HORMAD1: variants seen among roughly 807,000 people sequenced by gnomAD.
HORMAD1 encodes HORMA domain containing 1.
A neutral mutation model predicts 58.2 loss-of-function variants in HORMAD1; 33 were observed. The ratio of observed to expected loss-of-function variants is 0.57; its 90% confidence interval spans 0.43 to 0.76. The LOEUF (loss-of-function observed/expected upper bound fraction) is 0.76, where lower values mean the gene tolerates loss of function less well. Ranked by LOEUF, HORMAD1 falls within the 30% of genes least tolerant of loss-of-function variation. The pLI is 0.00. For missense variants in HORMAD1, 363 were observed against 462.0 expected, an observed-to-expected ratio of 0.79 and a Z score of 1.96; for synonymous variants, 137 against 144.6, an observed-to-expected ratio of 0.95 and a Z score of 0.38.
chr1:150,699,924 C>T (rs762949296), intron 14 of HORMAD1, among the ~76,000 whole-genome samples, 188 bp downstream of exon 14: 1 of 151,992 alleles, frequency 6.6e-6, no homozygotes, highest in Non-Finnish European at 1.5e-5. Flanking sequence ...AACTAATAAA[C>T]CAACATAGGG....
rs587690956 is a variant in HORMAD1, at chr1:150,704,060, G to A, written c.948+58C>T. 4.5e-5 allele frequency: 48 copies of A among 1,063,724 alleles called. No homozygotes were observed. The East Asian group carries it at 1.1e-3, about 23-fold the overall frequency. The allele number at this position is 1,063,724 out of a possible 1,614,324, so 65.9% of individuals were successfully genotyped here. On this transcript the variant is annotated intron_variant, in intron 12 of 14. Coordinates refer to ENST00000361824, the MANE Select transcript of HORMAD1 (RefSeq NM_032132.5). Reference sequence around the variant, plus strand: ...AAAATCTGAAAAATAAAAAATTAGCGCATAAGCAACTGTCCTGTGAACAAA... The same window carrying A: ...AAAATCTGAAAAATAAAAAATTAGCACATAAGCAACTGTCCTGTGAACAAA...
chr1:150,717,343 G>T, intron 2 of HORMAD1, 61 bp from the exon 3 acceptor site: 1 of 1,100,314 alleles, frequency 9.1e-7, no homozygotes, highest in Non-Finnish European at 1.3e-6. Flanking sequence ...AGTTTCTCTT[G>T]ACTTAACATA....
rs45439605 is a variant in HORMAD1, at chr1:150,704,300, T to C, written c.848A>G (p.Asn283Ser). ...ACCTTCAAGTTCAGAAGATGCAGGGTTTTTTTCCTGTTCTTCCATTTTAGT... is the reference window on the plus strand; with the variant it reads ...ACCTTCAAGTTCAGAAGATGCAGGGCTTTTTTCCTGTTCTTCCATTTTAGT... ...IETKMEEQEK[N>S]PASSELEEPS... The change falls in exon 11 of 15, where the codon AAC becomes AGC. Residue 283 changes from asparagine (N) to serine (S), a missense_variant. By Grantham distance (46) the Asn-to-Ser change is conservative (BLOSUM62 1). This residue lies in a region of HORMAD1 where 226 missense variants were observed against 257.8 expected (regional missense o/e 0.88). Coordinates refer to ENST00000361824, the MANE Select transcript of HORMAD1 (RefSeq NM_032132.5). 6.3e-7 allele frequency: 1 copy of C among 1,591,990 alleles called. No individual in the cohort carries two copies. The highest frequency in any genetic ancestry group is 8.5e-7 in the Non-Finnish European group (1 of 1,170,562).
At chr1:150,714,245 T>C in intron 4 of HORMAD1, 124 bp from the exon 5 acceptor site, 1 of 582,618 alleles carries the variant, frequency 1.7e-6, no homozygotes. Context: ...AGCTCCCTTC[T>C]TATTAACTAG....
intron 5 of HORMAD1, among the ~76,000 whole-genome samples, 193 bp from the exon 6 acceptor site, chr1:150,712,046 A>G (rs1651920370): frequency 6.6e-6 from 1 of 152,186 alleles, no homozygotes; most frequent in Non-Finnish European, 1.5e-5. Context: ...TGAAATATCT[A>G]TTGCTACTAA....
chr1:150,714,647 TTTA>T lies in HORMAD1; in HGVS notation c.207_209del (p.Asp69_Lys70delinsGlu). 6.9e-7 allele frequency: 1 copy of T among 1,456,860 alleles called. No individual in the cohort carries two copies. Among genetic ancestry groups the T allele is most frequent in the Non-Finnish European group, 9.2e-7 (1 of 1,083,398 alleles). The allele number at this position is 1,456,860 out of a possible 1,614,324, so 90.2% of individuals were successfully genotyped here. A position where few individuals can be genotyped will look rare whatever the true frequency, so the allele number is the denominator to read the frequency against. On this transcript the variant is annotated inframe_deletion, in exon 4 of 15. Transcript: ENST00000361824. ...CTAACTGTGTAGATCCTGGGCAATT[TTTA>T]TCTTCTCTCAGTATTTTGACACAAA...
At chr1:150,711,768 A>AT in intron 6 of HORMAD1, 65 bp downstream of exon 6, 1 of 1,139,476 alleles carries the variant, frequency 8.8e-7, no homozygotes, top group Non-Finnish European at 1.3e-6. Flanking sequence ...TTTTAGTGTC[A>AT]TTTAATTAAG....
chr1:150,703,623 C>T (rs1177515915), intron 12 of HORMAD1, among the ~76,000 whole-genome samples: 2 of 152,118 alleles, frequency 1.3e-5, no homozygotes, highest in Non-Finnish European at 2.9e-5. Context: ...CAAATGATCA[C>T]CAGGCACCAC....
chr1:150,703,528 G>A (rs1341921817), intron 12 of HORMAD1, 135 bp from the exon 13 acceptor site: 2 of 535,440 alleles, frequency 3.7e-6, no homozygotes, highest in African/African-American at 3.9e-5. Flanking sequence ...TTTTGAGTTG[G>A]TTCATACTGT....
At chr1:150,708,996 A>T (rs1651778509) in intron 7 of HORMAD1, 35 bp from the exon 8 acceptor site, 1 of 975,702 alleles carries the variant, frequency 1.0e-6, no homozygotes, top group African/African-American at 1.6e-5. Flanking sequence ...TGCTTCTGAT[A>T]TTCAGTACTA....
chr1:150,710,390 A>C (rs1208378293), intron 7 of HORMAD1, among the ~76,000 whole-genome samples: 1 of 152,230 alleles, frequency 6.6e-6, no homozygotes, highest in Admixed American at 6.5e-5. Context: ...AAGACAGTAC[A>C]TATCTCATTG....
rs149176709 is a variant in HORMAD1 at position 150,703,413 on chromosome 1, CA to C, written c.949-21del. On this transcript the variant is annotated intron_variant, in intron 12 of 14. Transcript: ENST00000361824. ...CTCAACCTAAAAAAGAAAATAATTA[CA>C]AAAAATATAACTTAGTATAATAAAA... 3,117 of 1,323,226 alleles carry C rather than the reference CA, an allele frequency of 2.4e-3. 64 individuals carry two copies. In the African/African-American group the frequency reaches 0.039, roughly 16 times the overall value. The allele number at this position is 1,323,226 out of a possible 1,614,324, so 82.0% of individuals were successfully genotyped here.
chr1:150,717,098 A>G (rs775579872), intron 3 of HORMAD1, 40 bp downstream of exon 3: 6 of 1,311,750 alleles, frequency 4.6e-6, no homozygotes, highest in Non-Finnish European at 6.2e-6. Flanking sequence ...AAATAAAAAT[A>G]CCATTTTAAA....
At chr1:150,720,136 G>A (rs1383680559) in intron 1 of HORMAD1, among the ~76,000 whole-genome samples, 20 of 151,730 alleles carry the variant, frequency 1.3e-4, no homozygotes, top group Admixed American at 1.3e-3. Context: ...GTGTAATGGC[G>A]CGATCTCGGC....
intron 10 of HORMAD1, 63 bp from the exon 11 acceptor site, chr1:150,704,406 G>A (rs1307965241): frequency 1.1e-5 from 12 of 1,056,050 alleles, no homozygotes; most frequent in Non-Finnish European, 1.5e-5. Flanking sequence ...CAACTGAGCA[G>A]AAAGCATTTA....
chr1:150,700,969 A>G (rs969324582), intron 13 of HORMAD1, among the ~76,000 whole-genome samples: 2 of 152,174 alleles, frequency 1.3e-5, no homozygotes, highest in East Asian at 3.8e-4. Context: ...TCATACAACT[A>G]TTCTCTAAAA....
intron 9 of HORMAD1, 72 bp from the exon 10 acceptor site, chr1:150,706,881 A>T: frequency 7.7e-7 from 1 of 1,290,904 alleles, no homozygotes; most frequent in Non-Finnish European, 1.1e-6. Context: ...ATAAAAACAC[A>T]CGCAGATTGC....
chr1:150,708,479 C>T, intron 8 of HORMAD1, 72 bp from the exon 9 acceptor site: 1 of 983,694 alleles, frequency 1.0e-6, no homozygotes, highest in Non-Finnish European at 1.5e-6. Flanking sequence ...TACATTTTAA[C>T]TATTTGAGAT....
chr1:150,709,291 G>T (rs1330756450), intron 7 of HORMAD1, among the ~76,000 whole-genome samples: 1 of 152,180 alleles, frequency 6.6e-6, no homozygotes, highest in Admixed American at 6.5e-5. Flanking sequence ...TAATTGCTTT[G>T]CTGAGATGTT....
Sources: gnomAD v4.1 joint callset for allele counts (sites outside exome capture counted in the v4.1 genomes callset) on GRCh38, gnomAD v4.1.1 for gene constraint, gnomAD v4.1.1 regional missense constraint, MANE v1.5 for transcripts, NCBI Gene and HGNC (gene_info 2026-07-23, HGNC 2026-07-21) for gene names.